The following ACTR3C variants were observed in gnomAD, a reference collection of about 807,000 sequenced individuals.
The protein encoded by ACTR3C is actin-related protein 3C.
A neutral mutation model predicts 26.3 loss-of-function variants in ACTR3C; 18 were observed. The observed-to-expected ratio is 0.68, with a 90% CI of 0.47 to 1.01. The LOEUF is 1.01. Among genes scored for constraint, ACTR3C ranks in the 50% least tolerant of loss-of-function variants. The pLI is 0.00. For missense variants in ACTR3C, 184 were observed against 250.7 expected (o/e 0.73, Z 1.80); for synonymous variants, 55 against 94.5 (o/e 0.58, Z 2.42).
At chr7:150,068,732 G>A in the ACTR3C span, among the ~76,000 whole-genome samples, 1 of 136,260 alleles carries the variant, frequency 7.3e-6, no homozygotes, top group Non-Finnish European at 1.5e-5. Flanking sequence ...GCAGTGAGCC[G>A]AGATTGTGCC....
chr7:150,040,099 G>A, the ACTR3C span, among the ~76,000 whole-genome samples: 353 of 147,684 alleles, frequency 2.4e-3, 26 homozygotes, highest in African/African-American at 8.6e-3. Context: ...GAGCCAGGGG[G>A]GAAGAGGGGA....
chr7:149,960,411 A>C, the ACTR3C span, among the ~76,000 whole-genome samples: 1 of 152,220 alleles, frequency 6.6e-6, no homozygotes, highest in African/African-American at 2.4e-5. Flanking sequence ...ATCTGGAATA[A>C]AGATTCTGTG....
chr7:150,118,369 C>A, the ACTR3C span, among the ~76,000 whole-genome samples: 1 of 151,744 alleles, frequency 6.6e-6, no homozygotes, highest in South Asian at 2.1e-4. Context: ...ACTAGAATAA[C>A]CAGTTTAGAG....
At chr7:150,317,192 C>T (rs965172995) in intron 1 of ACTR3C, among the ~76,000 whole-genome samples, 1 of 151,988 alleles carries the variant, frequency 6.6e-6, no homozygotes, top group African/African-American at 2.4e-5. Flanking sequence ...GCTGGGATTA[C>T]AGGCGTGCAG....
At chr7:149,901,169 CAG>C in the ACTR3C span, among the ~76,000 whole-genome samples, 18,821 of 152,010 alleles carry the variant, frequency 0.12, 1,445 homozygotes, top group East Asian at 0.33. Flanking sequence ...GAGATGAAAA[CAG>C]AGTAGTGGTT....
At chr7:150,055,974 C>T in the ACTR3C span, among the ~76,000 whole-genome samples, 1 of 152,060 alleles carries the variant, frequency 6.6e-6, no homozygotes. Context: ...CTCCTGAATC[C>T]ACTCCTTTCA....
the ACTR3C span, among the ~76,000 whole-genome samples, chr7:150,068,848 C>A: frequency 6.6e-6 from 1 of 151,214 alleles, no homozygotes; most frequent in African/African-American, 2.4e-5. Flanking sequence ...GCAAGGATAC[C>A]CAATGATAAA....
In ACTR3C at chr7:150,283,613, A is replaced by G. The variant is rs543736661; in HGVS notation, c.564+1140T>C. 2.6e-5 allele frequency among the ~76,000 whole-genome samples: 4 copies of G among 152,106 alleles called. No homozygotes were observed. The South Asian group carries it at 6.2e-4, about 24-fold the overall frequency. ...AAACTATATATTTTATATAAAATGA[A>G]ATATATGTAAATTTTACAAGTTCCT... is the stretch of plus-strand genomic sequence containing the variant. On this transcript the variant is annotated intron_variant, in intron 6 of 7. Transcript: ENST00000683684.
the ACTR3C span, among the ~76,000 whole-genome samples, chr7:150,125,367 G>A: frequency 3.3e-5 from 5 of 151,212 alleles, no homozygotes; most frequent in African/African-American, 1.2e-4. Flanking sequence ...CAAGGCCGCT[G>A]GGTAAAATGA....
At chr7:149,918,169 T>G in the ACTR3C span, among the ~76,000 whole-genome samples, 1 of 151,350 alleles carries the variant, frequency 6.6e-6, no homozygotes, top group African/African-American at 2.4e-5. Context: ...TTCTGAGTAC[T>G]TTTTTTTTCT....
downstream of ACTR3C, among the ~76,000 whole-genome samples, chr7:150,243,069 G>A (rs1373948191): frequency 6.6e-6 from 1 of 152,164 alleles, no homozygotes; most frequent in African/African-American, 2.4e-5. Context: ...TTTACTGTGT[G>A]CTCTGTACCA....
the ACTR3C span, among the ~76,000 whole-genome samples, chr7:150,036,279 T>A: frequency 2.8e-5 from 4 of 144,834 alleles, 1 homozygote; most frequent in Non-Finnish European, 6.3e-5. Flanking sequence ...ATTTGCTTCT[T>A]GTACTAGCAG....
the ACTR3C span, chr7:149,891,054 T>C: frequency 1.2e-6 from 1 of 861,226 alleles, no homozygotes. Context: ...TTGAGCTTTA[T>C]TTTCAAAAAA....
the ACTR3C span, among the ~76,000 whole-genome samples, chr7:150,101,546 C>T: frequency 2.0e-5 from 3 of 151,870 alleles, no homozygotes; most frequent in African/African-American, 7.3e-5. Context: ...ACAAACTCAA[C>T]TCACGTGGTG....
At chr7:149,977,160 A>G in the ACTR3C span, among the ~76,000 whole-genome samples, 1 of 152,040 alleles carries the variant, frequency 6.6e-6, no homozygotes, top group African/African-American at 2.4e-5. Context: ...ATCTACCTGT[A>G]TGCTAGCATC....
the ACTR3C span, among the ~76,000 whole-genome samples, chr7:150,129,625 C>T: frequency 8.0e-4 from 122 of 152,230 alleles, no homozygotes; most frequent in African/African-American, 2.8e-3. Context: ...AAATTCATAA[C>T]ACCTTTTGAA....
At chr7:150,046,014 G>C in the ACTR3C span, among the ~76,000 whole-genome samples, 1 of 152,156 alleles carries the variant, frequency 6.6e-6, no homozygotes. Flanking sequence ...CCAAAGACTT[G>C]AACCAGATGA....
chr7:150,320,631 C>A (rs947733401), intron 1 of ACTR3C, among the ~76,000 whole-genome samples: 1 of 152,106 alleles, frequency 6.6e-6, no homozygotes, highest in Non-Finnish European at 1.5e-5. Context: ...GGTAAAGTGG[C>A]GCACATCTGT....
Position 150,310,376 on chromosome 7 carries a change from A to T in ACTR3C, c.-52+13093T>A, listed in dbSNP as rs143826396. On this transcript the variant is annotated intron_variant, in intron 1 of 7. Transcript: ENST00000683684. ...ACCAGGATTTAAAGGGATGAAGCCTATTATCACTTGCCTGTTACAGCATGG... is the reference window on the plus strand; with the variant it reads ...ACCAGGATTTAAAGGGATGAAGCCTTTTATCACTTGCCTGTTACAGCATGG... Among the ~76,000 whole-genome samples, 460 of 152,256 alleles carry T rather than the reference A, an allele frequency of 3.0e-3. 1 individual carries two copies. The highest frequency in any genetic ancestry group is 0.017 in the Middle Eastern group (5 of 294).
Sources: gnomAD v4.1 joint callset for allele counts (sites outside exome capture counted in the v4.1 genomes callset) on GRCh38, gnomAD v4.1.1 for gene constraint, MANE v1.5 for transcripts, NCBI Gene and HGNC (gene_info 2026-07-23, HGNC 2026-07-21) for gene names.